Variants in FSTL4 observed in about 807,000 individuals in gnomAD.
The protein encoded by FSTL4 is follistatin like 4, also known as follistatin-related protein 4.
In FSTL4, 28 loss-of-function variants were observed where a neutral mutation model predicts 78.2. That is an observed-to-expected ratio of 0.36 (90% CI 0.27 to 0.49). The LOEUF (loss-of-function observed/expected upper bound fraction) is 0.49. Ranked by LOEUF, FSTL4 falls within the 20% of genes least tolerant of loss-of-function variation. The pLI is 0.98. For missense variants in FSTL4, 922 were observed against 1,084.9 expected, an observed-to-expected ratio of 0.85 and a Z score of 2.11; for synonymous variants, 422 against 440.5, an observed-to-expected ratio of 0.96 and a Z score of 0.53.
chr5:133,533,428 T>G (rs1267611454), intron 3 of FSTL4, among the ~76,000 whole-genome samples: 2 of 152,142 alleles, frequency 1.3e-5, no homozygotes, highest in Non-Finnish European at 2.9e-5. Flanking sequence ...GTATTTTTAG[T>G]AGAGGCAGGG....
At position 133,361,571 on chromosome 5, in the gene FSTL4, C is replaced by A. The variant is rs1755071359; in HGVS notation, c.409+39167G>T. 6.6e-6 allele frequency among the ~76,000 whole-genome samples: 1 copy of A among 152,170 alleles called. No homozygotes were observed. Among genetic ancestry groups the A allele is most frequent in the Non-Finnish European group, 1.5e-5 (1 of 68,044 alleles). On this transcript the variant is annotated intron_variant, in intron 4 of 15. Transcript: ENST00000265342. This position sits in a 1 kb window ranked among gnomAD's most constrained non-coding sequence, Gnocchi z 4.3. ...TTTCAGAGTCTTCTGCTCTTGCTTC[C>A]AAATGTCCCTTTTTACCCCAAAAAT... is the stretch of plus-strand genomic sequence containing the variant.
At chr5:133,842,042 CT>C in the FSTL4 span, among the ~76,000 whole-genome samples, 28 of 152,332 alleles carry the variant, frequency 1.8e-4, no homozygotes, top group African/African-American at 6.5e-4. Flanking sequence ...TTCCACCTTC[CT>C]TCCCTCCTCT....
In FSTL4 at chr5:133,552,300, A is replaced by G. The variant is rs145030999; in HGVS notation, c.160+14886T>C. 5.7e-3 allele frequency among the ~76,000 whole-genome samples: 869 copies of G among 152,318 alleles called. 12 individuals carry two copies. Among genetic ancestry groups the G allele is most frequent in the African/African-American group, 0.02 (846 of 41,562 alleles). ...GGAGCATGGGTCTTCTGGAATTTCT[A>G]CTTGGTCATATTTATTCTACAGAAC... is the stretch of plus-strand genomic sequence containing the variant. On this transcript the variant is annotated intron_variant, in intron 3 of 15. Coordinates refer to ENST00000265342, the MANE Select transcript of FSTL4 (RefSeq NM_015082.2).
intron 6 of FSTL4, chr5:133,269,918 G>A (rs913051249): frequency 1.3e-5 from 2 of 152,194 alleles, no homozygotes; most frequent in African/African-American, 4.8e-5. Context: ...ATCCAGTTCC[G>A]ATGGAAGCCT....
chr5:133,695,360 A>G, the FSTL4 span, among the ~76,000 whole-genome samples: 6 of 152,232 alleles, frequency 3.9e-5, no homozygotes, highest in South Asian at 1.2e-3. Flanking sequence ...AAGCACCCTC[A>G]CCCACACTAT....
intron 4 of FSTL4, among the ~76,000 whole-genome samples, chr5:133,331,517 T>C (rs1229261990): frequency 6.6e-6 from 1 of 152,120 alleles, no homozygotes; most frequent in African/African-American, 2.4e-5. Flanking sequence ...TCATTTACTT[T>C]AGAAGAAAAG....
intron 3 of FSTL4, among the ~76,000 whole-genome samples, chr5:133,466,921 T>A (rs146160242): frequency 1.3e-5 from 2 of 149,564 alleles, no homozygotes; most frequent in African/African-American, 5.0e-5. Context: ...AGTGTGAGAG[T>A]GTGTGTGAGA....
chr5:133,591,724 C>T (rs767863449), intron 2 of FSTL4, among the ~76,000 whole-genome samples: 1 of 152,064 alleles, frequency 6.6e-6, no homozygotes, highest in Non-Finnish European at 1.5e-5. Context: ...AAGGGCTACA[C>T]TCAGAGCTCT....
chr5:133,824,749 G>T, the FSTL4 span, among the ~76,000 whole-genome samples: 1 of 151,974 alleles, frequency 6.6e-6, no homozygotes, highest in African/African-American at 2.4e-5. Context: ...CCCAAAGCAC[G>T]CAGGCATCCT....
intron 3 of FSTL4, among the ~76,000 whole-genome samples, chr5:133,454,282 A>C (rs527635107): frequency 1.6e-4 from 24 of 152,398 alleles, no homozygotes; most frequent in Admixed American, 1.3e-3. Flanking sequence ...GTTTAATGAT[A>C]TATCAGTTTG....
At chr5:133,801,101 G>T in the FSTL4 span, among the ~76,000 whole-genome samples, 1 of 152,068 alleles carries the variant, frequency 6.6e-6, no homozygotes, top group Admixed American at 6.6e-5. Flanking sequence ...TCCGTTTTCT[G>T]GTTGCTTCTC....
At chr5:133,674,500 T>C in the FSTL4 span, among the ~76,000 whole-genome samples, 1 of 152,034 alleles carries the variant, frequency 6.6e-6, no homozygotes, top group South Asian at 2.1e-4. Flanking sequence ...AAAGCTAACT[T>C]TATTAATTTA....
chr5:133,599,573 T>G (rs1191837101), intron 2 of FSTL4, among the ~76,000 whole-genome samples: 2 of 152,158 alleles, frequency 1.3e-5, no homozygotes, highest in African/African-American at 4.8e-5. Context: ...CATGTACAGG[T>G]ATGTAGTACG....
the FSTL4 span, among the ~76,000 whole-genome samples, chr5:133,672,170 T>A: frequency 2.0e-5 from 3 of 152,290 alleles, no homozygotes; most frequent in South Asian, 6.2e-4. Flanking sequence ...TGGGATGTGC[T>A]TTGGACGATA....
At chr5:133,631,315 A>C in the FSTL4 span, among the ~76,000 whole-genome samples, 4 of 151,730 alleles carry the variant, frequency 2.6e-5, no homozygotes, top group African/African-American at 9.7e-5. Context: ...AAAAAAAAAC[A>C]ACCCCATCAA....
At chr5:133,217,873 C>T (rs1368212704) in intron 12 of FSTL4, among the ~76,000 whole-genome samples, 1 of 152,074 alleles carries the variant, frequency 6.6e-6, no homozygotes, top group Non-Finnish European at 1.5e-5. Flanking sequence ...GCGGCTGATC[C>T]TCTGTTGCTG....
In FSTL4 at chr5:133,540,276, T is replaced by TTC. The variant is rs753760636; in HGVS notation, c.160+26908_160+26909dup. Among the ~76,000 whole-genome samples the TTC allele has an allele frequency of 6.2e-3, 939 of 150,646 alleles. 6 individuals are homozygous for TTC. Among genetic ancestry groups the TTC allele is most frequent in the Admixed American group, 9.5e-3 (144 of 15,152 alleles). On this transcript the variant is annotated intron_variant, in intron 3 of 15. Coordinates refer to ENST00000265342, the MANE Select transcript of FSTL4 (RefSeq NM_015082.2). ...ACACACACACACACGCACTCATTCATTCTCTCTCTCTCTCTGTTGATTCTG... is the reference window on the plus strand; with the variant it reads ...ACACACACACACACGCACTCATTCATTCTCTCTCTCTCTCTCTGTTGATTCTG...
intron 1 of FSTL4, among the ~76,000 whole-genome samples, chr5:133,606,316 C>T (rs1341828674): frequency 1.3e-5 from 2 of 152,000 alleles, no homozygotes; most frequent in Admixed American, 1.3e-4. Flanking sequence ...GACAGGGTTT[C>T]TCCATGTTGG....
At chr5:133,435,633 A>G (rs545096597) in intron 3 of FSTL4, among the ~76,000 whole-genome samples, 28 of 152,320 alleles carry the variant, frequency 1.8e-4, no homozygotes, top group Middle Eastern at 3.4e-3. Context: ...ATGCTGTGTT[A>G]GGTTAGCACT....
Sources: gnomAD v4.1 joint callset for allele counts (sites outside exome capture counted in the v4.1 genomes callset) on GRCh38, gnomAD v4.1.1 for gene constraint, Gnocchi (gnomAD v3.1) non-coding constraint, MANE v1.5 for transcripts, NCBI Gene and HGNC (gene_info 2026-07-23, HGNC 2026-07-21) for gene names.